Variants in DCBLD2 observed in about 807,000 individuals in gnomAD.
The protein encoded by DCBLD2 is discoidin, CUB and LCCL domain containing 2.
In DCBLD2, 54 loss-of-function variants were observed where a neutral mutation model predicts 86.8. The observed-to-expected ratio is 0.62, with a 90% CI of 0.50 to 0.78. DCBLD2 has a LOEUF of 0.78. DCBLD2 is among the 30% of genes least tolerant of loss of function. The pLI, the probability that DCBLD2 is intolerant of heterozygous loss-of-function variation, is 0.00. For missense variants in DCBLD2, 908 were observed against 954.2 expected (o/e 0.95, Z 0.64); for synonymous variants, 354 against 341.3 (o/e 1.04, Z -0.41).
intron 2 of DCBLD2, among the ~76,000 whole-genome samples, chr3:98,876,443 G>A (rs1400624386): frequency 9.9e-5 from 9 of 90,580 alleles, no homozygotes; most frequent in African/African-American, 1.8e-4. Context: ...AAAAAAAAAA[G>A]GCCGTCAACA....
At chr3:98,802,464 A>T (rs1002572319) in intron 13 of DCBLD2, among the ~76,000 whole-genome samples, 1 of 152,190 alleles carries the variant, frequency 6.6e-6, no homozygotes, top group African/African-American at 2.4e-5. Flanking sequence ...GCCCTTTGTC[A>T]GATGAGTAGA....
At chr3:98,898,687 T>G (rs1224395366) in intron 1 of DCBLD2, among the ~76,000 whole-genome samples, 1 of 152,124 alleles carries the variant, frequency 6.6e-6, no homozygotes, top group Non-Finnish European at 1.5e-5. Context: ...CTTTTCAGGT[T>G]ATGTGAGGGA....
At chr3:98,876,415 A>G (rs1472346894) in intron 2 of DCBLD2, among the ~76,000 whole-genome samples, 193 of 13,500 alleles carry the variant, frequency 0.014, 2 homozygotes, top group African/African-American at 0.026. Context: ...TAAAAAGTAA[A>G]AAAAAAAAAA....
At chr3:98,875,217 A>G (rs1280498126) in intron 2 of DCBLD2, among the ~76,000 whole-genome samples, 1 of 151,232 alleles carries the variant, frequency 6.6e-6, no homozygotes, top group East Asian at 1.9e-4. Context: ...ACTCAGTAAA[A>G]TAGCAGAAAA....
intron 13 of DCBLD2, among the ~76,000 whole-genome samples, chr3:98,802,960 T>TC: frequency 6.6e-6 from 1 of 152,200 alleles, no homozygotes; most frequent in African/African-American, 2.4e-5. Context: ...AGCCTTGTAG[T>TC]ATAGTTTGAA....
At chr3:98,880,335 T>C (rs1269103381) in intron 2 of DCBLD2, among the ~76,000 whole-genome samples, 1 of 152,238 alleles carries the variant, frequency 6.6e-6, no homozygotes, top group Non-Finnish European at 1.5e-5. Context: ...AAGGATATTT[T>C]ACACACTGGA....
chr3:98,848,955 G>GCT (rs1196733532), intron 3 of DCBLD2, among the ~76,000 whole-genome samples: 1 of 152,014 alleles, frequency 6.6e-6, no homozygotes, highest in African/African-American at 2.4e-5. Flanking sequence ...GGATCACCTG[G>GCT]GGTCAGGAGT....
chr3:98,864,317 C>T (rs1041212763), intron 2 of DCBLD2, among the ~76,000 whole-genome samples: 2 of 152,196 alleles, frequency 1.3e-5, no homozygotes, highest in African/African-American at 4.8e-5. Context: ...GTATCTAGAA[C>T]TTAAAATACC....
chr3:98,851,677 C>T (rs1942839613), intron 2 of DCBLD2, among the ~76,000 whole-genome samples: 1 of 152,226 alleles, frequency 6.6e-6, no homozygotes, highest in Non-Finnish European at 1.5e-5. Context: ...TACCTGACTT[C>T]AAACTATACA....
intron 1 of DCBLD2, among the ~76,000 whole-genome samples, chr3:98,893,540 A>G (rs552050054): frequency 6.6e-6 from 1 of 152,318 alleles, no homozygotes; most frequent in Middle Eastern, 3.4e-3. Context: ...GGGTTAAAAA[A>G]TAAATTAACA....
chr3:98,863,605 A>C (rs1179135679), intron 2 of DCBLD2, among the ~76,000 whole-genome samples: 2 of 152,228 alleles, frequency 1.3e-5, no homozygotes, highest in African/African-American at 4.8e-5. Flanking sequence ...AAAAACAAGA[A>C]ATGGGGAAAG....
intron 2 of DCBLD2, among the ~76,000 whole-genome samples, chr3:98,866,543 T>G (rs1943148974): frequency 6.6e-6 from 1 of 152,256 alleles, no homozygotes; most frequent in South Asian, 2.1e-4. Flanking sequence ...ATTTGCCCAC[T>G]TGTTGATGGG....
intron 3 of DCBLD2, among the ~76,000 whole-genome samples, chr3:98,846,289 A>G (rs1014665304): frequency 2.0e-5 from 3 of 152,190 alleles, no homozygotes; most frequent in African/African-American, 7.2e-5. Context: ...TCATTCCCAA[A>G]TACTCTAAAT....
intron 2 of DCBLD2, among the ~76,000 whole-genome samples, chr3:98,871,898 T>A (rs1476763309): frequency 6.6e-6 from 1 of 152,200 alleles, no homozygotes; most frequent in Non-Finnish European, 1.5e-5. Flanking sequence ...TGAATCCATC[T>A]GGTCCTGGGC....
chr3:98,824,971 A>G (rs978726342), intron 4 of DCBLD2, among the ~76,000 whole-genome samples: 4 of 151,674 alleles, frequency 2.6e-5, no homozygotes, highest in African/African-American at 9.7e-5. Context: ...ATTCTATAAC[A>G]GCCAAAACCA....
intron 2 of DCBLD2, among the ~76,000 whole-genome samples, chr3:98,857,157 C>T (rs1190464835): frequency 1.3e-5 from 2 of 152,106 alleles, no homozygotes; most frequent in Non-Finnish European, 2.9e-5. Context: ...GTGAGTGTTA[C>T]AGCTCTTAAG....
At chr3:98,890,162 T>G (rs1379461621) in intron 1 of DCBLD2, among the ~76,000 whole-genome samples, 1 of 152,036 alleles carries the variant, frequency 6.6e-6, no homozygotes, top group African/African-American at 2.4e-5. Flanking sequence ...AATGTGACCT[T>G]ATCTGGAAAC....
At position 98,901,504 on chromosome 3, in the gene DCBLD2, T is replaced by A; in HGVS notation, c.-178A>T. 2.0e-6 allele frequency: 1 copy of A among 504,768 alleles called. No homozygotes were observed. Among genetic ancestry groups the A allele is most frequent in the Non-Finnish European group, 3.0e-6 (1 of 331,192 alleles). The allele number at this position is 504,768 out of a possible 1,614,324, so 31.3% of individuals were successfully genotyped here. A position where few individuals can be genotyped will look rare whatever the true frequency, so the allele number is the denominator to read the frequency against. On this transcript the variant is annotated 5_prime_UTR_variant, in exon 1 of 16. Coordinates refer to ENST00000326840, the MANE Select transcript of DCBLD2 (RefSeq NM_080927.4). ...CCCGCTTTCACCTACTCCTCCTTCG[T>A]CCCTTCCCTCCGCTCCCCGCGCCGA...
At chr3:98,825,898 C>T (rs1488174936) in intron 3 of DCBLD2, among the ~76,000 whole-genome samples, 1 of 151,894 alleles carries the variant, frequency 6.6e-6, no homozygotes, top group Non-Finnish European at 1.5e-5. Context: ...ACTGGTGCAT[C>T]AGCACCTTCT....
Sources: gnomAD v4.1 joint callset for allele counts (sites outside exome capture counted in the v4.1 genomes callset) on GRCh38, gnomAD v4.1.1 for gene constraint, MANE v1.5 for transcripts, NCBI Gene and HGNC (gene_info 2026-07-23, HGNC 2026-07-21) for gene names.